Variants in ZFHX3 observed in about 807,000 individuals in gnomAD.
ZFHX3 encodes zinc finger homeobox 3.
In ZFHX3, 42 loss-of-function variants were observed where a neutral mutation model predicts 279.1. The observed-to-expected ratio is 0.15, with a 90% CI of 0.12 to 0.19. The LOEUF is 0.19. ZFHX3 is among the 10% of genes least tolerant of loss of function. ZFHX3 has a pLI of 1.00. For missense variants in ZFHX3, 4,981 were observed against 4,754.0 expected, an observed-to-expected ratio of 1.05 and a Z score of -1.40; for synonymous variants, 2,293 against 1,957.8, an observed-to-expected ratio of 1.17 and a Z score of -4.52.
chr16:73,756,555 C>T (rs930818508), intron 1 of ZFHX3, among the ~76,000 whole-genome samples: 2 of 152,138 alleles, frequency 1.3e-5, no homozygotes, highest in South Asian at 2.1e-4. Flanking sequence ...CCGCCCTTCA[C>T]TGGGGAGGGA....
At chr16:73,756,112 G>T (rs895953965) in intron 1 of ZFHX3, among the ~76,000 whole-genome samples, 1 of 152,124 alleles carries the variant, frequency 6.6e-6, no homozygotes, top group Admixed American at 6.5e-5. Context: ...TTGATTTAAA[G>T]AAAATCAATG....
At chr16:73,294,976 G>A (rs191881533) in intron 4 of ZFHX3, among the ~76,000 whole-genome samples, 1 of 152,036 alleles carries the variant, frequency 6.6e-6, no homozygotes, top group African/African-American at 2.4e-5. Context: ...CACTTTCGGA[G>A]GCCGAGACGG....
At chr16:73,524,962 A>G (rs746975226) in intron 2 of ZFHX3, among the ~76,000 whole-genome samples, 17 of 152,240 alleles carry the variant, frequency 1.1e-4, no homozygotes, top group Non-Finnish European at 2.2e-4. Flanking sequence ...AACACTCTAC[A>G]CAACATGGTC....
At chr16:73,858,095 CAA>C (rs111695031) in intron 1 of ZFHX3, among the ~76,000 whole-genome samples, 6 of 132,256 alleles carry the variant, frequency 4.5e-5, no homozygotes, top group Non-Finnish European at 4.9e-5. Flanking sequence ...GATTCTGTCT[CAA>C]AAAAAAAAAA....
intron 8 of ZFHX3, among the ~76,000 whole-genome samples, chr16:73,069,379 C>T (rs770620870): frequency 6.6e-6 from 1 of 152,182 alleles, no homozygotes; most frequent in Non-Finnish European, 1.5e-5. Context: ...ATGATGCACA[C>T]TTGTTTTTTC....
chr16:73,876,924 C>T (rs1425247650), intron 1 of ZFHX3, among the ~76,000 whole-genome samples: 1 of 151,718 alleles, frequency 6.6e-6, no homozygotes, highest in Non-Finnish European at 1.5e-5. Context: ...TGTACATTTG[C>T]AAGCACATCT....
At chr16:72,918,821 G>C (rs1394850213) in intron 3 of ZFHX3, among the ~76,000 whole-genome samples, 2 of 151,340 alleles carry the variant, frequency 1.3e-5, no homozygotes, top group Non-Finnish European at 2.9e-5. Flanking sequence ...TCAGCCTCCT[G>C]AGTAGCTGGG....
At chr16:73,236,500 G>A (rs2012953781) in intron 5 of ZFHX3, among the ~76,000 whole-genome samples, 1 of 152,086 alleles carries the variant, frequency 6.6e-6, no homozygotes, top group Admixed American at 6.5e-5. Context: ...TGAAGCACGG[G>A]AATTGCTGAA....
intron 5 of ZFHX3, among the ~76,000 whole-genome samples, chr16:73,173,237 A>C (rs1206410174): frequency 6.6e-6 from 1 of 151,724 alleles, no homozygotes; most frequent in Non-Finnish European, 1.5e-5. Context: ...CTTAAATATA[A>C]TTAGATGCGC....
chr16:73,010,350 C>T lies in ZFHX3; in HGVS notation c.-50+37402G>A, dbSNP rs150284435. On this transcript the variant is annotated intron_variant, in intron 1 of 9. Coordinates refer to ENST00000268489, the MANE Select transcript of ZFHX3 (RefSeq NM_006885.4). ...CCACGAGAGGTTCAGCAGCCACTGC[C>T]GCTAAAACAAAAGACGGATGACAGG... 1.4e-3 allele frequency among the ~76,000 whole-genome samples: 219 copies of T among 152,262 alleles called. 1 individual carries two copies. The highest frequency in any genetic ancestry group is 5.0e-3 in the African/African-American group (208 of 41,552).
At chr16:73,266,909 C>G (rs1032965694) in intron 4 of ZFHX3, among the ~76,000 whole-genome samples, 1 of 152,198 alleles carries the variant, frequency 6.6e-6, no homozygotes, top group Non-Finnish European at 1.5e-5. Flanking sequence ...TATAAATTAT[C>G]CAGTTTTGCG....
intron 4 of ZFHX3, among the ~76,000 whole-genome samples, chr16:73,309,716 A>T (rs2015278677): frequency 6.6e-6 from 1 of 152,176 alleles, no homozygotes; most frequent in African/African-American, 2.4e-5. Context: ...AACTTAGAGA[A>T]GAGAGAGTTA....
rs74028487 is a variant in ZFHX3 at position 73,795,652 on chromosome 16, G to A, written c.-1608+95999C>T. ...GTCCTACAGAATCATGAAGAACAAC[G>A]ACTGTGGCCACTGCTGCCCAGTTTC... On this transcript the variant is annotated intron_variant, in intron 1 of 17. Coordinates refer to the ZFHX3 transcript ENST00000641206. Among the ~76,000 whole-genome samples, 175 of 152,282 alleles carry A rather than the reference G, an allele frequency of 1.1e-3. 1 individual carries two copies. The highest frequency in any genetic ancestry group is 3.9e-3 in the African/African-American group (163 of 41,546).
At position 73,412,264 on chromosome 16, in the gene ZFHX3, C is replaced by A. The variant is rs200073852; in HGVS notation, c.-1291+43739G>T. On this transcript the variant is annotated intron_variant, in intron 3 of 17. Transcript: ENST00000641206. ...ATCATCTGAGCCTGGGAGGTCAAGG[C>A]TACAGTGAGCCATAATCACGCCACG... is the stretch of plus-strand genomic sequence containing the variant. Among the ~76,000 whole-genome samples the A allele has an allele frequency of 3.4e-5, 5 of 149,006 alleles. No homozygotes were observed. In the East Asian group the frequency reaches 9.9e-4, roughly 30 times the overall value.
intron 2 of ZFHX3, among the ~76,000 whole-genome samples, chr16:73,468,551 C>T (rs769105946): frequency 6.6e-6 from 1 of 152,188 alleles, no homozygotes; most frequent in Admixed American, 6.5e-5. Context: ...GCCTGGCCAA[C>T]ATGGCGAAAC....
At chr16:73,428,888 C>T in intron 3 of ZFHX3, among the ~76,000 whole-genome samples, 1 of 152,170 alleles carries the variant, frequency 6.6e-6, no homozygotes, top group Non-Finnish European at 1.5e-5. Flanking sequence ...CCGTCAGCCT[C>T]ACCATGTTAA....
intron 2 of ZFHX3, among the ~76,000 whole-genome samples, chr16:73,518,525 C>A (rs2143701866): frequency 6.6e-6 from 1 of 152,212 alleles, no homozygotes; most frequent in Non-Finnish European, 1.5e-5. Flanking sequence ...TCAGTCCAAA[C>A]CTCAGCAGAG....
intron 1 of ZFHX3, among the ~76,000 whole-genome samples, chr16:73,849,865 G>A (rs369315277): frequency 7.2e-5 from 11 of 152,060 alleles, no homozygotes; most frequent in Middle Eastern, 3.2e-3. Context: ...CCCAAGTGGC[G>A]GGGATTACAG....
intron 3 of ZFHX3, among the ~76,000 whole-genome samples, chr16:73,354,484 C>T (rs143451062): frequency 6.6e-6 from 1 of 152,314 alleles, no homozygotes; most frequent in African/African-American, 2.4e-5. Context: ...GGGGGGCATG[C>T]CCATATGGGG....
Sources: gnomAD v4.1 joint callset for allele counts (sites outside exome capture counted in the v4.1 genomes callset) on GRCh38, gnomAD v4.1.1 for gene constraint, MANE v1.5 for transcripts, NCBI Gene and HGNC (gene_info 2026-07-23, HGNC 2026-07-21) for gene names.